PLA2R1: variants seen among roughly 807,000 people sequenced by gnomAD.
PLA2R1 encodes the protein secretory phospholipase A2 receptor.
PLA2R1 carries 158 observed loss-of-function variants against 195.9 expected under a neutral mutation model. The observed-to-expected ratio is 0.81, with a 90% CI of 0.71 to 0.92. The LOEUF (loss-of-function observed/expected upper bound fraction) is 0.92. Ranked by LOEUF, PLA2R1 falls within the 40% of genes least tolerant of loss-of-function variation. The probability of loss-of-function intolerance (pLI) is 0.00; values close to 1 mark genes in which losing one functional copy is unlikely to be tolerated. For synonymous variants in PLA2R1, 586 were observed against 598.2 expected, an observed-to-expected ratio of 0.98 and a Z score of 0.30; for missense variants, 1,626 against 1,764.6, an observed-to-expected ratio of 0.92 and a Z score of 1.41.
chr2:159,955,645 T>G (rs1043348656), intron 22 of PLA2R1, 53 bp downstream of exon 22: 17 of 1,020,950 alleles, frequency 1.7e-5, no homozygotes, highest in Non-Finnish European at 2.3e-5. Context: ...AAACAAATCT[T>G]GAATAAAATA....
At chr2:160,041,791 G>A (rs979094759) in intron 3 of PLA2R1, among the ~76,000 whole-genome samples, 2 of 152,220 alleles carry the variant, frequency 1.3e-5, no homozygotes, top group Admixed American at 1.3e-4. Flanking sequence ...TATGCACTGA[G>A]CTTAATGAAG....
At chr2:160,002,180 A>T (rs1379459279) in intron 11 of PLA2R1, among the ~76,000 whole-genome samples, 5 of 151,730 alleles carry the variant, frequency 3.3e-5, no homozygotes, top group African/African-American at 1.2e-4. Context: ...TTGGGAAATT[A>T]AAAAAAATCT....
intron 28 of PLA2R1, among the ~76,000 whole-genome samples, chr2:159,944,070 A>G (rs899776551): frequency 6.6e-6 from 1 of 152,068 alleles, no homozygotes; most frequent in Admixed American, 6.5e-5. Flanking sequence ...TCCACCACAA[A>G]GTTCAGCTCT....
intron 3 of PLA2R1, among the ~76,000 whole-genome samples, chr2:160,040,466 C>T (rs940780352): frequency 6.6e-6 from 1 of 152,142 alleles, no homozygotes; most frequent in Admixed American, 6.5e-5. Flanking sequence ...ATAGAATTAT[C>T]TCCATATTAT....
At chr2:160,050,222 T>A (rs1695131636) in intron 1 of PLA2R1, among the ~76,000 whole-genome samples, 1 of 152,256 alleles carries the variant, frequency 6.6e-6, no homozygotes, top group African/African-American at 2.4e-5. Context: ...CTTCAACTGA[T>A]GTCACATGTG....
At chr2:160,000,844 C>T (rs1691540284) in intron 11 of PLA2R1, among the ~76,000 whole-genome samples, 1 of 151,918 alleles carries the variant, frequency 6.6e-6, no homozygotes, top group South Asian at 2.1e-4. Context: ...TAATTCATGA[C>T]TTTATTTAAA....
At chr2:159,962,621 C>A (rs1688521581) in intron 20 of PLA2R1, among the ~76,000 whole-genome samples, 1 of 152,202 alleles carries the variant, frequency 6.6e-6, no homozygotes, top group African/African-American at 2.4e-5. Flanking sequence ...ATAGCAAAGA[C>A]TTGGAACCAA....
At chr2:159,947,372 CAAG>C (rs773770356) in intron 26 of PLA2R1, 44 bp downstream of exon 26, 10 of 1,527,164 alleles carry the variant, frequency 6.5e-6, no homozygotes, top group Non-Finnish European at 8.9e-6. Flanking sequence ...ACTGAAATGG[CAAG>C]AAGGAGCACA....
chr2:160,011,878 G>A (rs1292436991), intron 10 of PLA2R1, among the ~76,000 whole-genome samples: 2 of 152,166 alleles, frequency 1.3e-5, no homozygotes, highest in Non-Finnish European at 2.9e-5. Flanking sequence ...TTCAACGGGA[G>A]GATCTCCTGA....
intron 17 of PLA2R1, among the ~76,000 whole-genome samples, chr2:159,972,775 T>C (rs764227306): frequency 4.6e-5 from 7 of 152,176 alleles, no homozygotes; most frequent in Non-Finnish European, 8.8e-5. Context: ...CTTGCAGCGT[T>C]TTTTCAGCAT....
chr2:160,039,113 G>A (rs540942491), intron 3 of PLA2R1, among the ~76,000 whole-genome samples: 4 of 152,182 alleles, frequency 2.6e-5, no homozygotes, highest in East Asian at 1.9e-4. Context: ...TGATCTGCCC[G>A]CTTCAGCCTC....
intron 10 of PLA2R1, among the ~76,000 whole-genome samples, chr2:160,010,139 G>C (rs1020440845): frequency 5.9e-5 from 9 of 152,214 alleles, no homozygotes; most frequent in African/African-American, 2.2e-4. Flanking sequence ...ATAAACTTAG[G>C]AGAAAATGAG....
chr2:160,024,880 C>A (rs1418285798), intron 6 of PLA2R1, among the ~76,000 whole-genome samples: 1 of 152,178 alleles, frequency 6.6e-6, no homozygotes, highest in African/African-American at 2.4e-5. Flanking sequence ...CCCCAGGAAA[C>A]AAACCACAGG....
chr2:160,058,643 T>A (rs1022566291), intron 1 of PLA2R1, among the ~76,000 whole-genome samples: 3 of 152,206 alleles, frequency 2.0e-5, no homozygotes, highest in Non-Finnish European at 4.4e-5. Context: ...CTCCCCGCTG[T>A]CCACTTTGTA....
intron 2 of PLA2R1, among the ~76,000 whole-genome samples, chr2:160,043,802 G>A (rs944392923): frequency 1.3e-5 from 2 of 152,174 alleles, no homozygotes; most frequent in Non-Finnish European, 2.9e-5. Flanking sequence ...AAAATGCCTG[G>A]CCCTTGGCTC....
At chr2:160,053,436 G>A (rs976563875) in intron 1 of PLA2R1, among the ~76,000 whole-genome samples, 1 of 151,914 alleles carries the variant, frequency 6.6e-6, no homozygotes, top group Non-Finnish European at 1.5e-5. Context: ...AGGGTGCAAT[G>A]AAAATACGTG....
chr2:159,957,321 C>G (rs777035184), intron 20 of PLA2R1, among the ~76,000 whole-genome samples: 3 of 152,116 alleles, frequency 2.0e-5, no homozygotes, highest in Non-Finnish European at 2.9e-5. Context: ...AAGAGAGAAT[C>G]ATGTCTGCAT....
chr2:160,035,809 T>C (rs1308164500), intron 3 of PLA2R1, among the ~76,000 whole-genome samples: 2 of 152,212 alleles, frequency 1.3e-5, no homozygotes, highest in Non-Finnish European at 2.9e-5. Flanking sequence ...CTTAGTCTCA[T>C]CCACTGAATC....
chr2:160,015,956 T>A (rs545646824), intron 9 of PLA2R1, among the ~76,000 whole-genome samples: 1 of 152,206 alleles, frequency 6.6e-6, no homozygotes, highest in Non-Finnish European at 1.5e-5. Context: ...TTTTATGACA[T>A]CTCACTTGAA....
Sources: gnomAD v4.1 joint callset for allele counts (sites outside exome capture counted in the v4.1 genomes callset) on GRCh38, gnomAD v4.1.1 for gene constraint, MANE v1.5 for transcripts, NCBI Gene and HGNC (gene_info 2026-07-23, HGNC 2026-07-21) for gene names.